USH2A: variants seen among roughly 807,000 people sequenced by gnomAD.
USH2A encodes the protein usherin, also known as Usher syndrome 2A (autosomal recessive, mild).
Under a neutral mutation model 538.9 loss-of-function variants are expected in USH2A, and 443 were observed. The observed-to-expected ratio is 0.82, with a 90% CI of 0.76 to 0.89. USH2A has a LOEUF of 0.89. USH2A is among the 40% of genes least tolerant of loss of function. The pLI is 0.00. For synonymous variants in USH2A, 2,413 were observed against 2,273.5 expected, an observed-to-expected ratio of 1.06 and a Z score of -1.75; for missense variants, 6,633 against 6,324.8, an observed-to-expected ratio of 1.05 and a Z score of -1.65.
chr1:216,334,220 A>G (rs546782841), intron 4 of USH2A, among the ~76,000 whole-genome samples: 2 of 152,192 alleles, frequency 1.3e-5, no homozygotes, highest in African/African-American at 4.8e-5. Flanking sequence ...AGAGTGAACA[A>G]AAACTATATA....
intron 11 of USH2A, among the ~76,000 whole-genome samples, chr1:216,280,567 C>A (rs1409365528): frequency 6.6e-6 from 1 of 152,056 alleles, no homozygotes; most frequent in African/African-American, 2.4e-5. Context: ...CTTCATTTTC[C>A]TCTCTCCTAT....
At position 215,714,218 on chromosome 1, in the gene USH2A, G is replaced by A. The variant is rs185757001; in HGVS notation, c.12066+13812C>T. On this transcript the variant is annotated intron_variant, in intron 61 of 71. Coordinates refer to ENST00000307340, the MANE Select transcript of USH2A (RefSeq NM_206933.4). ...AACAATTTCTGAAATATGATTACAG[G>A]TTAGCAAGAAACCAGAAATAAAAGC... Among the ~76,000 whole-genome samples the A allele has an allele frequency of 3.9e-5, 6 of 152,260 alleles. No individual in the cohort carries two copies. The East Asian group carries it at 1.2e-3, about 29-fold the overall frequency.
At chr1:216,023,153 A>T (rs1429570235) in intron 32 of USH2A, among the ~76,000 whole-genome samples, 1 of 152,118 alleles carries the variant, frequency 6.6e-6, no homozygotes, top group Non-Finnish European at 1.5e-5. Context: ...GGGATCTAGG[A>T]AAATTCAAGA....
intron 3 of USH2A, among the ~76,000 whole-genome samples, chr1:216,371,549 T>C (rs1288381402): frequency 6.6e-6 from 1 of 152,172 alleles, no homozygotes; most frequent in Non-Finnish European, 1.5e-5. Flanking sequence ...CTAATTCACA[T>C]CTACTCAATG....
intron 50 of USH2A, among the ~76,000 whole-genome samples, chr1:215,794,988 C>G (rs999842951): frequency 6.6e-6 from 1 of 152,164 alleles, no homozygotes; most frequent in African/African-American, 2.4e-5. Flanking sequence ...CATTCCACTT[C>G]TTAGAACAGA....
intron 11 of USH2A, among the ~76,000 whole-genome samples, chr1:216,273,752 C>T (rs1338654383): frequency 1.3e-5 from 2 of 149,400 alleles, no homozygotes; most frequent in African/African-American, 4.9e-5. Context: ...TTAGTTTTGG[C>T]AGGGAGTTAA....
At chr1:216,370,677 C>CAAAAAAAAAAAA (rs58845914) in intron 3 of USH2A, among the ~76,000 whole-genome samples, 4,061 of 29,944 alleles carry the variant, frequency 0.14, 1,383 homozygotes, top group East Asian at 0.29. Flanking sequence ...GACTCTGTCT[C>CAAAAAAAAAAAA]AAAAAAAAAA....
chr1:215,821,580 T>C lies in USH2A; in HGVS notation c.9372-4385A>G, dbSNP rs575303518. Among the ~76,000 whole-genome samples, 6 of 152,030 alleles carry C rather than the reference T, an allele frequency of 3.9e-5. No individual in the cohort carries two copies. The South Asian group carries it at 1.2e-3, about 31-fold the overall frequency. ...ATGGCATGTCTATTCACTTTGTTGA[T>C]TGTTTCCTTTGTTGTGCAGAAGCTT... On this transcript the variant is annotated intron_variant, in intron 47 of 71. Transcript: ENST00000307340.
In USH2A at chr1:216,340,237, T is replaced by C. The variant is rs916707728; in HGVS notation, c.785-12583A>G. On this transcript the variant is annotated intron_variant, in intron 4 of 71. Coordinates refer to ENST00000307340, the MANE Select transcript of USH2A (RefSeq NM_206933.4). ...ACCTCTACACAAATAAACTAGAAAATCTAGAAGAAATGGATAAATTCCTGG... is the reference window on the plus strand; with the variant it reads ...ACCTCTACACAAATAAACTAGAAAACCTAGAAGAAATGGATAAATTCCTGG... Among the ~76,000 whole-genome samples the C allele has an allele frequency of 1.1e-4, 17 of 151,464 alleles. 1 individual carries two copies. Among genetic ancestry groups the C allele is most frequent in the African/African-American group, 4.1e-4 (17 of 41,232 alleles).
At chr1:215,658,977 C>T (rs970593606) in intron 64 of USH2A, among the ~76,000 whole-genome samples, 9 of 152,158 alleles carry the variant, frequency 5.9e-5, no homozygotes, top group African/African-American at 2.2e-4. Flanking sequence ...ATTTATCATC[C>T]ATGAATTCAA....
chr1:215,659,559 A>C (rs912374601), intron 64 of USH2A, among the ~76,000 whole-genome samples: 1 of 152,060 alleles, frequency 6.6e-6, no homozygotes, highest in African/African-American at 2.4e-5. Context: ...ATTAAATTTT[A>C]CTTTTTTTTG....
chr1:215,629,773 C>CTTTTTTT (rs34349385), intron 70 of USH2A, among the ~76,000 whole-genome samples: 36 of 125,048 alleles, frequency 2.9e-4, no homozygotes, highest in African/African-American at 9.0e-4. Flanking sequence ...CTTTTCTTTT[C>CTTTTTTT]TTTTTTTTTT....
At chr1:216,301,548 C>G (rs111486831) in intron 9 of USH2A, among the ~76,000 whole-genome samples, 1 of 152,104 alleles carries the variant, frequency 6.6e-6, no homozygotes, top group East Asian at 1.9e-4. Context: ...CACTCTGGCT[C>G]AGTCCATCTT....
At chr1:216,149,935 C>G (rs913846494) in intron 21 of USH2A, among the ~76,000 whole-genome samples, 1 of 152,154 alleles carries the variant, frequency 6.6e-6, no homozygotes, top group African/African-American at 2.4e-5. Context: ...TCCTCTTCCT[C>G]CTGGAAGTCG....
intron 64 of USH2A, among the ~76,000 whole-genome samples, chr1:215,666,030 G>T (rs1657592582): frequency 6.6e-6 from 1 of 152,134 alleles, no homozygotes; most frequent in African/African-American, 2.4e-5. Context: ...CCATTCTTGT[G>T]GAAAACAAGA....
chr1:216,384,194 TA>T (rs568786578), intron 3 of USH2A, among the ~76,000 whole-genome samples: 61 of 151,328 alleles, frequency 4.0e-4, no homozygotes, highest in Admixed American at 1.4e-3. Context: ...TAAAGTAGAA[TA>T]AAAAAAATTT....
chr1:216,305,763 TTAGGAAGC>T (rs2102629852), intron 9 of USH2A, among the ~76,000 whole-genome samples: 1 of 152,268 alleles, frequency 6.6e-6, no homozygotes, highest in Non-Finnish European at 1.5e-5. Context: ...TTTCCTTCAT[TTAGGAAGC>T]TTAATTTCAC....
intron 64 of USH2A, among the ~76,000 whole-genome samples, chr1:215,659,549 A>G (rs1191896546): frequency 1.3e-5 from 2 of 152,142 alleles, no homozygotes; most frequent in African/African-American, 2.4e-5. Context: ...GTATTTATAT[A>G]TTAAATTTTA....
chr1:216,140,319 A>T (rs1224508301), intron 21 of USH2A, among the ~76,000 whole-genome samples: 1 of 152,162 alleles, frequency 6.6e-6, no homozygotes, highest in African/African-American at 2.4e-5. Context: ...TGCTCAATAA[A>T]TAACTTTGAA....
Sources: gnomAD v4.1 joint callset for allele counts (sites outside exome capture counted in the v4.1 genomes callset) on GRCh38, gnomAD v4.1.1 for gene constraint, MANE v1.5 for transcripts, NCBI Gene and HGNC (gene_info 2026-07-23, HGNC 2026-07-21) for gene names.